The following LINGO2 variants were observed in gnomAD, a reference collection of about 807,000 sequenced individuals.
LINGO2 encodes leucine-rich repeat and immunoglobulin-like domain-containing nogo receptor-interacting protein 2.
Under a neutral mutation model 30.6 loss-of-function variants are expected in LINGO2, and 14 were observed. The ratio of observed to expected loss-of-function variants is 0.46; its 90% CI spans 0.30 to 0.72. The LOEUF (loss-of-function observed/expected upper bound fraction) is 0.72, where lower values mean the gene tolerates loss of function less well. Among genes scored for constraint, LINGO2 ranks in the 30% least tolerant of loss-of-function variants. The pLI, the probability that LINGO2 is intolerant of heterozygous loss-of-function variation, is 0.07. For missense variants in LINGO2, 729 were observed against 751.7 expected (o/e 0.97, Z 0.35); for synonymous variants, 317 against 288.5 (o/e 1.10, Z -1.00).
At chr9:28,476,912 A>T (rs1278075386) in intron 1 of LINGO2, among the ~76,000 whole-genome samples, 1 of 152,230 alleles carries the variant, frequency 6.6e-6, no homozygotes, top group African/African-American at 2.4e-5. Flanking sequence ...TTGGAATTGT[A>T]AAGTTGTAAA....
chr9:29,192,911 G>A, the LINGO2 span, among the ~76,000 whole-genome samples: 7 of 152,146 alleles, frequency 4.6e-5, no homozygotes, highest in South Asian at 2.1e-4. Context: ...CAAACTATGC[G>A]GTGCCCCATT....
At chr9:28,797,349 TATATATATATAGAGAGAGAGAG>T in the LINGO2 span, among the ~76,000 whole-genome samples, 29 of 64,508 alleles carry the variant, frequency 4.5e-4, no homozygotes, top group African/African-American at 1.2e-3. Flanking sequence ...TATATATATA[TATATATATATAGAGAGAGAGAG>T]AGAGAGAGAG....
chr9:28,479,238 A>G (rs1388072048), intron 1 of LINGO2, among the ~76,000 whole-genome samples: 1 of 152,008 alleles, frequency 6.6e-6, no homozygotes, highest in Non-Finnish European at 1.5e-5. Flanking sequence ...AGTGGCAAAA[A>G]TGATATTAAA....
chr9:28,520,521 A>T (rs933096827), intron 1 of LINGO2, among the ~76,000 whole-genome samples: 1 of 152,106 alleles, frequency 6.6e-6, no homozygotes, highest in Non-Finnish European at 1.5e-5. Context: ...AGTAATCATT[A>T]CTTGATATTT....
At chr9:28,781,254 T>A in the LINGO2 span, among the ~76,000 whole-genome samples, 19 of 152,108 alleles carry the variant, frequency 1.2e-4, no homozygotes, top group Non-Finnish European at 2.2e-4. Flanking sequence ...AGTGCTCAAA[T>A]ACAGGCAGTG....
intron 2 of LINGO2, among the ~76,000 whole-genome samples, chr9:28,396,900 G>C (rs1023697615): frequency 6.6e-6 from 1 of 151,916 alleles, no homozygotes; most frequent in African/African-American, 2.4e-5. Flanking sequence ...AATCAGAGAG[G>C]TTAAGAGTTC....
chr9:28,287,793 C>T (rs1341213099), intron 4 of LINGO2, among the ~76,000 whole-genome samples: 1 of 151,874 alleles, frequency 6.6e-6, no homozygotes, highest in Non-Finnish European at 1.5e-5. Context: ...TTTGTGTGTG[C>T]GTGTGTGTGC....
rs1363057476 is a variant in LINGO2, at chr9:28,512,644, T to TAC, written c.-364-36621_-364-36620dup. ...ATATATATATATATATATACACACA[T>TAC]ACATACACACACACACACATATGGA... On this transcript the variant is annotated intron_variant, in intron 1 of 5. Coordinates refer to ENST00000379992, the Ensembl canonical transcript of LINGO2. 1.1e-3 allele frequency among the ~76,000 whole-genome samples: 67 copies of TAC among 59,900 alleles called. 2 individuals are homozygous for TAC. The highest frequency in any genetic ancestry group is 5.2e-3 in the African/African-American group (59 of 11,430). The allele number at this position is 59,900 out of a possible 152,430, so 39.3% of individuals were successfully genotyped here.
chr9:28,287,071 G>GAAA (rs1191431311), intron 4 of LINGO2, among the ~76,000 whole-genome samples: 5 of 152,138 alleles, frequency 3.3e-5, no homozygotes, highest in Non-Finnish European at 4.4e-5. Flanking sequence ...TCTTAAGGAA[G>GAAA]AAAGACAAAG....
intron 4 of LINGO2, among the ~76,000 whole-genome samples, chr9:28,272,858 C>G (rs1055533287): frequency 1.1e-4 from 17 of 152,068 alleles, no homozygotes; most frequent in African/African-American, 4.1e-4. Flanking sequence ...ACTAACTGAA[C>G]CAATCTCCAA....
chr9:28,983,735 G>C, the LINGO2 span, among the ~76,000 whole-genome samples: 1 of 151,966 alleles, frequency 6.6e-6, no homozygotes, highest in Non-Finnish European at 1.5e-5. Context: ...CCAAAATATA[G>C]CTCATAGAGT....
At chr9:28,042,496 GTAGAGAAGCTA>G (rs1450698786) in intron 4 of LINGO2, among the ~76,000 whole-genome samples, 1 of 152,136 alleles carries the variant, frequency 6.6e-6, no homozygotes, top group Admixed American at 6.5e-5. Context: ...TTTGAGTTTT[GTAGAGAAGCTA>G]TAGAAGAGGA....
the LINGO2 span, among the ~76,000 whole-genome samples, chr9:29,095,018 A>T: frequency 0.26 from 35,691 of 137,320 alleles, 9,319 homozygotes; most frequent in African/African-American, 0.33. Flanking sequence ...TATGCTTACA[A>T]AATCTAAAAA....
chr9:29,037,978 A>G, the LINGO2 span, among the ~76,000 whole-genome samples: 2 of 152,056 alleles, frequency 1.3e-5, no homozygotes, highest in Non-Finnish European at 2.9e-5. Flanking sequence ...CAGAGCTATG[A>G]TTTGTTGATG....
chr9:28,009,347 A>T (rs1232063052), intron 5 of LINGO2, among the ~76,000 whole-genome samples: 1 of 97,956 alleles, frequency 1.0e-5, no homozygotes, highest in Non-Finnish European at 2.1e-5. Context: ...TATCAAAAGC[A>T]CAAGTGATAA....
the LINGO2 span, among the ~76,000 whole-genome samples, chr9:28,690,445 T>G: frequency 2.6e-5 from 4 of 152,162 alleles, no homozygotes; most frequent in Non-Finnish European, 4.4e-5. Context: ...TAATACAATG[T>G]ATATAAGATA....
chr9:28,433,947 CTCTATATA>C lies in LINGO2; in HGVS notation c.-279+41985_-279+41992del, dbSNP rs751441691. Among the ~76,000 whole-genome samples, 125 of 61,108 alleles carry C rather than the reference CTCTATATA, an allele frequency of 2.0e-3. 3 individuals carry two copies. The highest frequency in any genetic ancestry group is 0.013 in the South Asian group (31 of 2,424). The allele number at this position is 61,108 out of a possible 152,430, so 40.1% of individuals were successfully genotyped here. On this transcript the variant is annotated intron_variant, in intron 2 of 5. Coordinates refer to ENST00000379992, the Ensembl canonical transcript of LINGO2. Reference sequence around the variant, plus strand: ...TTTCTCTCTCTCTCTCTCTCTCTCTCTCTATATATATATATATATACACACACACACAT... The same window carrying C: ...TTTCTCTCTCTCTCTCTCTCTCTCTCTATATATATATACACACACACACAT...
At chr9:29,010,174 G>T in the LINGO2 span, among the ~76,000 whole-genome samples, 1 of 152,138 alleles carries the variant, frequency 6.6e-6, no homozygotes, top group East Asian at 1.9e-4. Flanking sequence ...AGCCAAAATA[G>T]ACAAACGGGA....
At chr9:28,104,262 G>GTTTTTTTTTT (rs1364642044) in intron 4 of LINGO2, among the ~76,000 whole-genome samples, 8 of 55,796 alleles carry the variant, frequency 1.4e-4, no homozygotes, top group Admixed American at 6.7e-4. Context: ...CAAGTTTTTT[G>GTTTTTTTTTT]TTTGTTTTTT....
Sources: allele counts gnomAD v4.1 joint callset (sites outside exome capture counted in the v4.1 genomes callset), GRCh38; gene constraint gnomAD v4.1.1; transcripts MANE v1.5; gene names NCBI Gene and HGNC (gene_info 2026-07-23, HGNC 2026-07-21).